NREP: variants seen among roughly 807,000 people sequenced by gnomAD.
NREP encodes the protein neuronal regeneration related protein.
In NREP, 5 loss-of-function variants were observed where a neutral mutation model predicts 8.6. That is an observed-to-expected ratio of 0.58 (90% CI 0.30 to 1.22). The LOEUF is 1.22. NREP is among the 50% of genes most tolerant of loss of function. The probability of loss-of-function intolerance (pLI) is 0.07; values close to 1 mark genes in which losing one functional copy is unlikely to be tolerated. For synonymous variants in NREP, 27 were observed against 28.0 expected, an observed-to-expected ratio of 0.96 and a Z score of 0.11; for missense variants, 86 against 82.5, an observed-to-expected ratio of 1.04 and a Z score of -0.17.
intron 2 of NREP, among the ~76,000 whole-genome samples, chr5:111,817,596 G>T (rs1030503233): frequency 1.4e-4 from 21 of 152,024 alleles, no homozygotes; most frequent in African/African-American, 5.1e-4. Flanking sequence ...ACGAGGTCAG[G>T]AGATCGAGAC....
intron 2 of NREP, among the ~76,000 whole-genome samples, chr5:111,937,794 T>C (rs541714741): frequency 1.3e-5 from 2 of 152,140 alleles, no homozygotes; most frequent in South Asian, 4.1e-4. Flanking sequence ...TAACTCAGCA[T>C]TTGAGTGGGC....
intron 2 of NREP, among the ~76,000 whole-genome samples, chr5:111,822,099 C>T (rs1343054841): frequency 6.6e-6 from 1 of 152,088 alleles, no homozygotes; most frequent in Non-Finnish European, 1.5e-5. Context: ...AGGCAAATTC[C>T]ATTTAGTGTG....
chr5:111,921,895 CT>C (rs774508160), intron 2 of NREP, among the ~76,000 whole-genome samples: 117 of 152,208 alleles, frequency 7.7e-4, no homozygotes, highest in South Asian at 1.5e-3. Context: ...GGGGTTTCCA[CT>C]TTTGCTTCTT....
chr5:111,930,607 G>A (rs1755510819), intron 2 of NREP, among the ~76,000 whole-genome samples: 2 of 152,120 alleles, frequency 1.3e-5, no homozygotes, highest in Non-Finnish European at 2.9e-5. Context: ...ATGACTTTGT[G>A]ACTAGAAGGA....
intron 2 of NREP, among the ~76,000 whole-genome samples, chr5:111,739,892 A>G (rs1749497842): frequency 6.6e-6 from 1 of 152,086 alleles, no homozygotes; most frequent in Non-Finnish European, 1.5e-5. Context: ...TATACAATAA[A>G]CAATTGTTTT....
chr5:111,873,282 T>C (rs138632067), intron 2 of NREP, among the ~76,000 whole-genome samples: 1 of 152,308 alleles, frequency 6.6e-6, no homozygotes, highest in East Asian at 1.9e-4. Context: ...GGTATCAGTT[T>C]TCCATCACTA....
rs1035678384 is a variant in NREP at position 111,836,357 on chromosome 5, G to A, written c.136-100850C>T. 1.4e-4 allele frequency among the ~76,000 whole-genome samples: 22 copies of A among 152,124 alleles called. 1 individual carries two copies. In the South Asian group the frequency reaches 4.6e-3, roughly 32 times the overall value. On this transcript the variant is annotated intron_variant, in intron 2 of 3. Coordinates refer to the NREP transcript ENST00000395634. ...AGTAGATCTGAATATACAGAGAGGGGTGTGGGTGAGGAAGGTCACTGTGCA... is the reference window on the plus strand; with the variant it reads ...AGTAGATCTGAATATACAGAGAGGGATGTGGGTGAGGAAGGTCACTGTGCA...
rs192656183 is a variant in NREP, at chr5:111,894,459, T to C, written c.135+80815A>G. ...GCATAATCTTGAGGGATTTTTTTTTTTTCAGTTAGAGGTCCTACTGTAACA... is the reference window on the plus strand; with the variant it reads ...GCATAATCTTGAGGGATTTTTTTTTCTTCAGTTAGAGGTCCTACTGTAACA... On this transcript the variant is annotated intron_variant, in intron 2 of 3. Coordinates refer to the NREP transcript ENST00000395634. Among the ~76,000 whole-genome samples, 378 of 152,158 alleles carry C rather than the reference T, an allele frequency of 2.5e-3. 3 individuals are homozygous for C. The highest frequency in any genetic ancestry group is 8.6e-3 in the African/African-American group (358 of 41,534).
At chr5:111,959,046 GA>G (rs1333173259) in intron 2 of NREP, among the ~76,000 whole-genome samples, 4 of 151,652 alleles carry the variant, frequency 2.6e-5, no homozygotes, top group South Asian at 2.1e-4. Context: ...CCTCATACAA[GA>G]AAAAAATTAG....
chr5:111,769,293 A>G (rs187669710), intron 2 of NREP, among the ~76,000 whole-genome samples: 64 of 152,348 alleles, frequency 4.2e-4, no homozygotes, highest in African/African-American at 1.5e-3. Flanking sequence ...ACAGCGGTGG[A>G]CAAGATAGAC....
intron 2 of NREP, among the ~76,000 whole-genome samples, chr5:111,773,963 G>C (rs896171097): frequency 6.6e-6 from 1 of 152,054 alleles, no homozygotes; most frequent in East Asian, 1.9e-4. Flanking sequence ...TCTTACCCGT[G>C]GGGGAGGTGA....
chr5:111,803,242 T>C (rs911922545), intron 2 of NREP, among the ~76,000 whole-genome samples: 3 of 152,148 alleles, frequency 2.0e-5, no homozygotes, highest in Admixed American at 6.5e-5. Flanking sequence ...TGCTTGAAGT[T>C]ATGAGAGTAG....
At chr5:111,767,012 C>A (rs2112868789) in intron 2 of NREP, among the ~76,000 whole-genome samples, 1 of 152,260 alleles carries the variant, frequency 6.6e-6, no homozygotes, top group Admixed American at 6.5e-5. Flanking sequence ...TCACAAACTG[C>A]AATTTACTTT....
chr5:111,791,045 C>T (rs1751734264), intron 2 of NREP, among the ~76,000 whole-genome samples: 1 of 152,076 alleles, frequency 6.6e-6, no homozygotes, highest in South Asian at 2.1e-4. Flanking sequence ...TGAAAGAGGA[C>T]TGTAATAGAA....
At chr5:111,875,249 T>A (rs958921203) in intron 2 of NREP, among the ~76,000 whole-genome samples, 5 of 152,030 alleles carry the variant, frequency 3.3e-5, no homozygotes, top group Admixed American at 3.3e-4. Context: ...AGTTTTAAAA[T>A]AATACATACT....
intron 2 of NREP, among the ~76,000 whole-genome samples, chr5:111,813,240 G>T (rs576033363): frequency 9.9e-5 from 15 of 152,240 alleles, no homozygotes; most frequent in African/African-American, 3.6e-4. Flanking sequence ...TTCATCTATA[G>T]ACTTTTCTAA....
intron 2 of NREP, among the ~76,000 whole-genome samples, chr5:111,959,847 G>A (rs983833033): frequency 6.6e-6 from 1 of 151,630 alleles, no homozygotes; most frequent in Non-Finnish European, 1.5e-5. Flanking sequence ...TGTATATTGT[G>A]GCTCATGAAG....
intron 2 of NREP, among the ~76,000 whole-genome samples, chr5:111,931,137 C>T (rs749704117): frequency 6.6e-6 from 1 of 151,974 alleles, no homozygotes; most frequent in Admixed American, 6.6e-5. Flanking sequence ...AGTATTTAAA[C>T]CTTCTGTGGT....
chr5:111,785,910 G>A (rs1394876870), intron 2 of NREP, among the ~76,000 whole-genome samples: 1 of 152,088 alleles, frequency 6.6e-6, no homozygotes, highest in African/African-American at 2.4e-5. Context: ...ATAGGGAGAG[G>A]GAAGAGGGTT....
Sources: gnomAD v4.1 joint callset for allele counts (sites outside exome capture counted in the v4.1 genomes callset) on GRCh38, gnomAD v4.1.1 for gene constraint, MANE v1.5 for transcripts, NCBI Gene and HGNC (gene_info 2026-07-23, HGNC 2026-07-21) for gene names.